MRPL37: variants seen among roughly 807,000 people sequenced by gnomAD.
The protein encoded by MRPL37 is mitochondrial ribosomal protein L37, also known as large ribosomal subunit protein mL37.
MRPL37 carries 34 observed loss-of-function variants against 44.1 expected under a neutral mutation model. The observed-to-expected ratio is 0.77, with a 90% CI of 0.59 to 1.03. The LOEUF (loss-of-function observed/expected upper bound fraction) is 1.03, where lower values mean the gene tolerates loss of function less well. Among genes scored for constraint, MRPL37 ranks in the 50% least tolerant of loss-of-function variants. The pLI is 0.00. For synonymous variants in MRPL37, 212 were observed against 219.5 expected (o/e 0.97, Z 0.30); for missense variants, 532 against 543.7 (o/e 0.98, Z 0.21).
intron 4 of MRPL37, 36 bp from the exon 5 acceptor site, chr1:54,212,465 C>G (rs1444622348): frequency 1.2e-6 from 2 of 1,606,440 alleles, no homozygotes; most frequent in Non-Finnish European, 1.7e-6. Context: ...GCTGATGAAT[C>G]CTTTCCACCC....
intron 6 of MRPL37, among the ~76,000 whole-genome samples, chr1:54,216,629 T>TGGGAG (rs1296314616): frequency 2.5e-4 from 38 of 152,346 alleles, no homozygotes; most frequent in African/African-American, 8.9e-4. Context: ...TTGTAGGTGC[T>TGGGAG]GCTCCTTTTG....
intron 1 of MRPL37, among the ~76,000 whole-genome samples, chr1:54,203,879 T>G (rs1240172130): frequency 1.3e-5 from 2 of 152,170 alleles, no homozygotes; most frequent in Admixed American, 6.5e-5. Context: ...CAGCTGCTTG[T>G]TTTTATAAAT....
At chr1:54,220,551 A>G (rs924762096), downstream of MRPL37, 1 of 432,810 alleles carries the variant, frequency 2.3e-6, no homozygotes, top group Non-Finnish European at 4.8e-6. Context: ...CTTAGAGACC[A>G]CATGATGCAG....
chr1:54,201,277 GA>G (rs887488875), intron 1 of MRPL37, among the ~76,000 whole-genome samples: 17 of 151,896 alleles, frequency 1.1e-4, no homozygotes, highest in Admixed American at 5.9e-4. Flanking sequence ...GATTAGGGGG[GA>G]AAAAAAAGGC....
At chr1:54,212,023 G>T (rs3766458) in intron 4 of MRPL37, among the ~76,000 whole-genome samples, 22,206 of 152,236 alleles carry the variant, frequency 0.15, 1,757 homozygotes, top group Non-Finnish European at 0.19. Context: ...TATTAAAGTA[G>T]TAAATTTTGC....
intron 1 of MRPL37, among the ~76,000 whole-genome samples, chr1:54,202,511 C>CT (rs934489736): frequency 2.0e-5 from 3 of 151,112 alleles, no homozygotes; most frequent in East Asian, 3.9e-4. Context: ...CTCTCTCTCT[C>CT]TTTTTTTTTC....
intron 5 of MRPL37, among the ~76,000 whole-genome samples, chr1:54,214,191 AAAAAAAG>A (rs1295082634): frequency 6.6e-6 from 1 of 152,182 alleles, no homozygotes. Context: ...CCTCAAAGGA[AAAAAAAG>A]AAAAAAGAAA....
chr1:54,200,674 G>A, intron 1 of MRPL37, 85 bp downstream of exon 1: 2 of 1,399,512 alleles, frequency 1.4e-6, no homozygotes, highest in Non-Finnish European at 9.7e-7. Context: ...GCAAGACATT[G>A]AAACTCTGTG....
chr1:54,210,394 A>G (rs1233916960), intron 4 of MRPL37, among the ~76,000 whole-genome samples: 2 of 152,192 alleles, frequency 1.3e-5, no homozygotes, highest in Non-Finnish European at 2.9e-5. Flanking sequence ...CTATTACATC[A>G]GAGTGGCTTG....
chr1:54,218,396 T>A, downstream of MRPL37: 1 of 1,509,498 alleles, frequency 6.6e-7, no homozygotes, highest in Non-Finnish European at 8.8e-7. Context: ...CTGTGTTTGG[T>A]ATGAGGGTGC....
intron 4 of MRPL37, 146 bp from the exon 5 acceptor site, chr1:54,212,355 A>G (rs1644170896): frequency 1.0e-6 from 1 of 985,050 alleles, no homozygotes. Context: ...GAAGTTTGCC[A>G]GCCCCCGAGC....
At chr1:54,210,630 A>G (rs1644157294) in intron 4 of MRPL37, among the ~76,000 whole-genome samples, 2 of 152,190 alleles carry the variant, frequency 1.3e-5, no homozygotes, top group African/African-American at 4.8e-5. Flanking sequence ...CCGTCAGGCA[A>G]GACATCACAA....
rs34006356 is a variant in MRPL37 at position 54,216,254 on chromosome 1, G to A, written c.1104G>A (p.Glu368=). Reference sequence around the variant, plus strand: ...ATACCACAGACCTGGACTGTAACGAGGGTGTCAAGAATTTGGCCTGGGTGG... The same window carrying A: ...ATACCACAGACCTGGACTGTAACGAAGGTGTCAAGAATTTGGCCTGGGTGG... The part of the protein sequence containing the change: ...QLNTTDLDCN[E]GVKNLAWVDS... The change falls in exon 6 of 7, where the codon GAG becomes GAA. Residue 368 remains glutamate, a synonymous_variant. Transcript: ENST00000360840. 4,140 of 1,614,186 alleles carry A rather than the reference G, an allele frequency of 2.6e-3. 97 individuals carry two copies. In the African/African-American group the frequency reaches 0.047, roughly 18 times the overall value.
rs753804735 is a variant in MRPL37, at chr1:54,200,334, T to C, written c.91T>C (p.Tyr31His). Residue 31 changes from tyrosine (Y) to histidine (H), a missense_variant, in exon 1 of 7, where the codon TAT (tyrosine) becomes CAT (histidine). Coordinates refer to ENST00000360840, the MANE Select transcript of MRPL37 (RefSeq NM_016491.4). The stretch of plus-strand genomic sequence containing the variant: ...CTTCGGGGCCCCGAGACGCGGGGCG[T>C]ATGAGTGGGGCGTGCGCTCCACGCG... ...GGFGAPRRGA[Y>H]EWGVRSTRKS... is the part of the protein sequence containing the mutation. The C allele has an allele frequency of 5.0e-6, 8 of 1,613,768 alleles. No homozygotes were observed. The East Asian group carries it at 6.7e-5, about 13-fold the overall frequency.
At position 54,213,278 on chromosome 1, in the gene MRPL37, G is replaced by A. The variant is rs576037198; in HGVS notation, c.990+620G>A. Among the ~76,000 whole-genome samples the A allele has an allele frequency of 3.3e-5, 5 of 152,350 alleles. No homozygotes were observed. In the East Asian group the frequency reaches 9.7e-4, roughly 29 times the overall value. On this transcript the variant is annotated intron_variant, in intron 5 of 6. Transcript: ENST00000360840. ...GGCTCTGGGAGCAAAGGCCTCCAGGGAGGGGAGGGCTATATGGGAGCCCTC... is the reference window on the plus strand; with the variant it reads ...GGCTCTGGGAGCAAAGGCCTCCAGGAAGGGGAGGGCTATATGGGAGCCCTC...
chr1:54,209,827 C>T, intron 3 of MRPL37, 119 bp from the exon 4 acceptor site: 1 of 1,012,642 alleles, frequency 9.9e-7, no homozygotes, highest in Non-Finnish European at 1.4e-6. Flanking sequence ...GAACTCCTGG[C>T]TTCCAATGAT....
In MRPL37 at chr1:54,206,345, C is replaced by T. The variant is rs561148846; in HGVS notation, c.646+935C>T. Among the ~76,000 whole-genome samples the T allele has an allele frequency of 4.8e-3, 723 of 152,146 alleles. 2 individuals are homozygous for T. Among genetic ancestry groups the T allele is most frequent in the Non-Finnish European group, 8.6e-3 (584 of 68,022 alleles). On this transcript the variant is annotated intron_variant, in intron 3 of 6. Coordinates refer to ENST00000360840, the MANE Select transcript of MRPL37 (RefSeq NM_016491.4). ...GCCAGGATGGTCTCGATCTCCTGAC[C>T]TCCTGATCCGCCTGCCTCGGCCTCC...
intron 5 of MRPL37, among the ~76,000 whole-genome samples, chr1:54,213,011 T>C (rs1644175273): frequency 6.6e-6 from 1 of 152,356 alleles, no homozygotes; most frequent in African/African-American, 2.4e-5. Flanking sequence ...CTCTGAAGTC[T>C]TCAGTTGTTT....
chr1:54,209,621 G>A (rs1445024729), intron 3 of MRPL37, among the ~76,000 whole-genome samples: 2 of 151,676 alleles, frequency 1.3e-5, no homozygotes, highest in African/African-American at 4.8e-5. Context: ...CACCATGCCC[G>A]GCTAATTTTT....
Sources: gnomAD v4.1 joint callset for allele counts (sites outside exome capture counted in the v4.1 genomes callset) on GRCh38, gnomAD v4.1.1 for gene constraint, MANE v1.5 for transcripts, NCBI Gene and HGNC (gene_info 2026-07-23, HGNC 2026-07-21) for gene names.